Variants in TMEM64 observed in about 807,000 individuals in gnomAD.
TMEM64 encodes transmembrane protein 64.
TMEM64 carries 19 observed loss-of-function variants against 24.5 expected under a neutral mutation model. The ratio of observed to expected loss-of-function variants is 0.78; its 90% CI spans 0.54 to 1.14. The LOEUF (loss-of-function observed/expected upper bound fraction) is 1.14. Ranked by LOEUF, TMEM64 falls within the 50% of genes most tolerant of loss-of-function variation. The pLI, the probability that TMEM64 is intolerant of heterozygous loss-of-function variation, is 0.00. For missense variants in TMEM64, 487 were observed against 493.0 expected (o/e 0.99, Z 0.12); for synonymous variants, 262 against 224.7 (o/e 1.17, Z -1.49).
intron 2 of TMEM64, among the ~76,000 whole-genome samples, chr8:90,627,124 T>C (rs1809372686): frequency 1.3e-5 from 2 of 152,168 alleles, no homozygotes; most frequent in South Asian, 2.1e-4. Flanking sequence ...ACAATTTCAA[T>C]GAAATCTACC....
chr8:90,628,659 GC>G (rs1269413802), intron 2 of TMEM64, among the ~76,000 whole-genome samples: 1 of 152,068 alleles, frequency 6.6e-6, no homozygotes, highest in East Asian at 1.9e-4. Context: ...AAAATAACAG[GC>G]ATGGAAGAGT....
In TMEM64 at chr8:90,622,301, C is replaced by T. The variant is rs1809293700; in HGVS notation, c.*3370G>A. ...TAAAGCAATGACTTTAAAAAGATTACATCCTAAATACTTGATTACAACAGA... is the reference window on the plus strand; with the variant it reads ...TAAAGCAATGACTTTAAAAAGATTATATCCTAAATACTTGATTACAACAGA... On this transcript the variant is annotated 3_prime_UTR_variant, in exon 3 of 3. Transcript: ENST00000458549. The T allele has an allele frequency of 6.6e-6, 1 of 152,194 alleles. No homozygotes were observed. 9.4% of individuals were successfully genotyped at this position (152,194 alleles called of 1,614,324 possible). A position where few individuals can be genotyped will look rare whatever the true frequency, so the allele number is the denominator to read the frequency against.
chr8:90,645,058 A>G lies in TMEM64; in HGVS notation c.795+53T>C. On this transcript the variant is annotated intron_variant, in intron 1 of 2. Transcript: ENST00000458549. This position sits in a 1 kb window ranked among gnomAD's most constrained non-coding sequence, Gnocchi z 4.2. ...AGAGCGCCCTCCTAGGGCCGCCACA[A>G]GACCGCTCAAAAACAGACTTGGAGA... The G allele has an allele frequency of 1.3e-6, 2 of 1,553,248 alleles. No homozygotes were observed. The highest frequency in any genetic ancestry group is 2.4e-5 in the South Asian group (2 of 82,222).
chr8:90,633,536 C>T (rs1206429215), intron 1 of TMEM64, among the ~76,000 whole-genome samples: 1 of 152,144 alleles, frequency 6.6e-6, no homozygotes, highest in Non-Finnish European at 1.5e-5. Flanking sequence ...ACATGACACA[C>T]GTATCTTAAC....
chr8:90,636,072 T>C lies in TMEM64; in HGVS notation c.796-4365A>G, dbSNP rs547162468. 7.2e-4 allele frequency among the ~76,000 whole-genome samples: 109 copies of C among 152,326 alleles called. No individual in the cohort carries two copies. In the South Asian group the frequency reaches 0.015, roughly 21 times the overall value. ...TTATCAAACCTTTCATGACCAAACC[T>C]TACCCTTGGGAAACAGTGTTACTAT... is the stretch of plus-strand genomic sequence containing the variant. On this transcript the variant is annotated intron_variant, in intron 1 of 2. Coordinates refer to ENST00000458549, the MANE Select transcript of TMEM64 (RefSeq NM_001008495.4).
chr8:90,635,416 C>T (rs1266045753), intron 1 of TMEM64, among the ~76,000 whole-genome samples: 3 of 137,950 alleles, frequency 2.2e-5, no homozygotes, highest in East Asian at 1.9e-4. Flanking sequence ...TTTTTTGAGA[C>T]GGACTCTTCG....
At position 90,645,474 on chromosome 8, in the gene TMEM64, A is replaced by C; in HGVS notation, c.432T>G (p.Leu144=). The C allele has an allele frequency of 6.4e-7, 1 of 1,551,428 alleles. No individual in the cohort carries two copies. The highest frequency in any genetic ancestry group is 1.2e-5 in the South Asian group (1 of 84,068). Residue 144 remains leucine (L), a synonymous_variant, in exon 1 of 3, where the codon CTT becomes CTG. Transcript: ENST00000458549. This position sits in a 1 kb window ranked among gnomAD's most constrained non-coding sequence, Gnocchi z 4.2. ...TCTCCACCCACAGCAGGAGGTGGTGAAGGTAGCGGCGGACCAGGGCCAGGG... is the reference window on the plus strand; with the variant it reads ...TCTCCACCCACAGCAGGAGGTGGTGCAGGTAGCGGCGGACCAGGGCCAGGG... ...FASLALVRRY[L]HHLLLWVESL...
chr8:90,631,609 T>C lies in TMEM64; in HGVS notation c.894A>G (p.Thr298=). The C allele has an allele frequency of 6.2e-7, 1 of 1,613,488 alleles. No individual in the cohort carries two copies. Among genetic ancestry groups the C allele is most frequent in the Non-Finnish European group, 8.5e-7 (1 of 1,179,558 alleles). The change falls in exon 2 of 3, where the codon ACA becomes ACG. Residue 298 remains threonine, a synonymous_variant. Transcript: ENST00000458549. ...LNSYLGTTLR[T]MEDVIAEQSV... ...TCTGTTCTGCAATGACATCTTCCAT[T>C]GTCCGCAGGGTGGTACCCAAGTAAG...
chr8:90,641,066 T>C (rs111576333), intron 1 of TMEM64, among the ~76,000 whole-genome samples: 1,937 of 152,302 alleles, frequency 0.013, 31 homozygotes, highest in African/African-American at 0.044. Flanking sequence ...AAATACAAGA[T>C]ATATGTGAGA....
rs1465222507 is a variant in TMEM64 at position 90,645,516 on chromosome 8, G to A, written c.390C>T (p.Ala130=). 1.0e-5 allele frequency: 16 copies of A among 1,550,092 alleles called. No homozygotes were observed. Among genetic ancestry groups the A allele is most frequent in the South Asian group, 5.9e-5 (5 of 84,060 alleles). Residue 130 remains alanine, a synonymous_variant, in exon 1 of 3, where the codon GCC becomes GCT. Coordinates refer to ENST00000458549, the MANE Select transcript of TMEM64 (RefSeq NM_001008495.4). This position sits in a 1 kb window ranked among gnomAD's most constrained non-coding sequence, Gnocchi z 4.2. The stretch of plus-strand genomic sequence containing the variant: ...GGGCCAGGGAAGCGAAGCACAGGGC[G>A]GCCAACACGCAGACCAGCACGAGGC... ...CRSLVLVCVL[A]ALCFASLALV...
chr8:90,645,009 C>T lies in TMEM64; in HGVS notation c.795+102G>A. ...ATCGTAACTCCTGCCGTCAATGTCA[C>T]TTCTCTGCTGGTATTTATCTGATAG... On this transcript the variant is annotated intron_variant, in intron 1 of 2. Transcript: ENST00000458549. The surrounding 1 kb of genome is among the most constrained non-coding windows in gnomAD (Gnocchi z 4.2). 1 of 1,288,266 alleles carries T rather than the reference C, an allele frequency of 7.8e-7. No homozygotes were observed. The highest frequency in any genetic ancestry group is 1.1e-6 in the Non-Finnish European group (1 of 926,304). The allele number at this position is 1,288,266 out of a possible 1,614,324, so 79.8% of individuals were successfully genotyped here.
chr8:90,640,772 G>A (rs1809592689), intron 1 of TMEM64, among the ~76,000 whole-genome samples: 1 of 152,144 alleles, frequency 6.6e-6, no homozygotes, highest in Non-Finnish European at 1.5e-5. Flanking sequence ...AAGTTATGAT[G>A]ACATCTTTCA....
intron 1 of TMEM64, among the ~76,000 whole-genome samples, chr8:90,639,714 C>T (rs1003601688): frequency 1.3e-5 from 2 of 152,086 alleles, no homozygotes; most frequent in African/African-American, 4.8e-5. Context: ...TATTAAAATA[C>T]ATATCAATAA....
In TMEM64 at chr8:90,645,431, C is replaced by A; in HGVS notation, c.475G>T (p.Gly159Trp). 6.4e-7 allele frequency: 1 copy of A among 1,551,664 alleles called. No individual in the cohort carries two copies. Among genetic ancestry groups the A allele is most frequent in the Non-Finnish European group, 8.7e-7 (1 of 1,147,032 alleles). Residue 159 changes from glycine (G) to tryptophan (W), a missense_variant, in exon 1 of 3, where the codon GGG becomes TGG. Gly to Trp is a radical substitution (Grantham distance 184). Coordinates refer to ENST00000458549, the MANE Select transcript of TMEM64 (RefSeq NM_001008495.4). The surrounding 1 kb of genome is among the most constrained non-coding windows in gnomAD (Gnocchi z 4.2). Reference protein sequence around the residue: ...LWVESLDSLLGVLLFVVGFIV... With the variant: ...LWVESLDSLLWVLLFVVGFIV... The stretch of plus-strand genomic sequence containing the variant: ...AAGCCCACGACGAAGAGCAGGACCC[C>A]CAGCAGCGAGTCAAGGCTCTCCACC...
intron 2 of TMEM64, among the ~76,000 whole-genome samples, chr8:90,630,983 T>A (rs1319252378): frequency 1.3e-5 from 2 of 152,342 alleles, no homozygotes; most frequent in East Asian, 3.9e-4. Context: ...CAAACTATAT[T>A]ACAATCTGCA....
chr8:90,629,339 T>A (rs1283281743), intron 2 of TMEM64, among the ~76,000 whole-genome samples: 1 of 152,172 alleles, frequency 6.6e-6, no homozygotes, highest in Non-Finnish European at 1.5e-5. Flanking sequence ...TTAAAAAGCA[T>A]CATGAACTTC....
At chr8:90,643,661 G>C (rs1427519001) in intron 1 of TMEM64, among the ~76,000 whole-genome samples, 1 of 152,184 alleles carries the variant, frequency 6.6e-6, no homozygotes, top group Admixed American at 6.5e-5. Context: ...ATCTATTTAG[G>C]TTCCTTAGCC....
intron 2 of TMEM64, 38 bp downstream of exon 2, chr8:90,631,514 G>C: frequency 1.4e-6 from 2 of 1,448,212 alleles, no homozygotes; most frequent in Non-Finnish European, 1.9e-6. Context: ...AAAAGAAACA[G>C]AGAGAAAAAA....
At chr8:90,639,783 T>C (rs1164452358) in intron 1 of TMEM64, among the ~76,000 whole-genome samples, 1 of 152,232 alleles carries the variant, frequency 6.6e-6, no homozygotes, top group East Asian at 1.9e-4. Context: ...GTACTTGCTA[T>C]ACTTTTCAAA....
Sources: gnomAD v4.1 joint callset for allele counts (sites outside exome capture counted in the v4.1 genomes callset) on GRCh38, gnomAD v4.1.1 for gene constraint, Gnocchi (gnomAD v3.1) non-coding constraint, MANE v1.5 for transcripts, NCBI Gene and HGNC (gene_info 2026-07-23, HGNC 2026-07-21) for gene names.